Variants in CLN8 observed in about 807,000 individuals in gnomAD.
The protein encoded by CLN8 is protein CLN8.
A neutral mutation model predicts 15.7 loss-of-function variants in CLN8; 14 were observed. That is an observed-to-expected ratio of 0.89 (90% CI 0.59 to 1.39). The LOEUF (loss-of-function observed/expected upper bound fraction) is 1.39. Ranked by LOEUF, CLN8 falls within the 40% of genes most tolerant of loss-of-function variation. The probability of loss-of-function intolerance (pLI) is 0.00; values close to 1 mark genes in which losing one functional copy is unlikely to be tolerated. For synonymous variants in CLN8, 188 were observed against 151.0 expected (o/e 1.25, Z -1.80); for missense variants, 415 against 364.0 (o/e 1.14, Z -1.14).
chr8:1,780,245 T>C lies in CLN8; in HGVS notation c.544-5T>C, dbSNP rs1340606071. 6.2e-7 allele frequency: 1 copy of C among 1,614,186 alleles called. No individual in the cohort carries two copies. The highest frequency in any genetic ancestry group is 1.3e-5 in the African/African-American group (1 of 74,960). ...GACTTGTGCATTTGTCTTCTCTCCATGCAGGCGGGCTGGTCCGAGTCTCTG... is the reference window on the plus strand; with the variant it reads ...GACTTGTGCATTTGTCTTCTCTCCACGCAGGCGGGCTGGTCCGAGTCTCTG... On this transcript the variant is annotated splice_region_variant and splice_polypyrimidine_tract_variant and intron_variant, in intron 2 of 2. Coordinates refer to ENST00000331222, the MANE Select transcript of CLN8 (RefSeq NM_018941.4).
Position 1,783,061 on chromosome 8 carries a change from T to A in CLN8, c.*2494T>A, listed in dbSNP as rs1462494159. The A allele has an allele frequency of 1.3e-5, 2 of 152,352 alleles. No individual in the cohort carries two copies. Among genetic ancestry groups the A allele is most frequent in the African/African-American group, 4.8e-5 (2 of 41,466 alleles). 9.4% of individuals were successfully genotyped at this position (152,352 alleles called of 1,614,324 possible). On this transcript the variant is annotated 3_prime_UTR_variant, in exon 3 of 3. Coordinates refer to ENST00000331222, the MANE Select transcript of CLN8 (RefSeq NM_018941.4). Reference sequence around the variant, plus strand: ...AAAAGGCTTCGTGAAATGTTAATGATGCGTACACCTTCCAGATGGCACAGC... The same window carrying A: ...AAAAGGCTTCGTGAAATGTTAATGAAGCGTACACCTTCCAGATGGCACAGC...
intron 1 of CLN8, chr8:1,765,126 A>G (rs896270621): frequency 6.6e-6 from 1 of 152,228 alleles, no homozygotes; most frequent in African/African-American, 2.4e-5. Context: ...TCCAGTTTCC[A>G]TACAAAGAGC....
intron 2 of CLN8, among the ~76,000 whole-genome samples, chr8:1,774,494 T>C (rs1801436155): frequency 6.6e-6 from 1 of 152,188 alleles, no homozygotes; most frequent in Non-Finnish European, 1.5e-5. Flanking sequence ...TCTTGCATAG[T>C]AGTAGGGCAT....
upstream of CLN8, among the ~76,000 whole-genome samples, chr8:1,761,381 G>A (rs1447726627): frequency 3.3e-5 from 5 of 152,296 alleles, no homozygotes; most frequent in Non-Finnish European, 5.9e-5. Context: ...CTGGAGTGCA[G>A]TGGTGCGATT....
In CLN8 at chr8:1,782,826, G is replaced by A. The variant is rs544983784; in HGVS notation, c.*2259G>A. 2.0e-5 allele frequency: 3 copies of A among 152,320 alleles called. No homozygotes were observed. The highest frequency in any genetic ancestry group is 6.8e-3 in the Middle Eastern group (2 of 294). The allele number at this position is 152,320 out of a possible 1,614,324, so 9.4% of individuals were successfully genotyped here. Reference sequence around the variant, plus strand: ...CAGAATTCGATTTGGAGTTGGAAGTGGACAGCCTAATTTTTATCTCACCTC... The same window carrying A: ...CAGAATTCGATTTGGAGTTGGAAGTAGACAGCCTAATTTTTATCTCACCTC... On this transcript the variant is annotated 3_prime_UTR_variant, in exon 3 of 3. Transcript: ENST00000331222.
chr8:1,778,519 T>C (rs142112706), intron 2 of CLN8, among the ~76,000 whole-genome samples: 1,532 of 152,328 alleles, frequency 0.01, 10 homozygotes, highest in Non-Finnish European at 0.016. Context: ...GCCTCAGCAA[T>C]GCTGAGTGCG....
At chr8:1,755,847 C>T (rs556570412) in exon 1 of CLN8, 1 of 152,280 alleles carries the variant, frequency 6.6e-6, no homozygotes, top group Non-Finnish European at 1.5e-5. Context: ...AGGAGACTCA[C>T]GAGTTGATGT....
At chr8:1,762,862 A>C (rs1049165943), upstream of CLN8, 5 of 152,208 alleles carry the variant, frequency 3.3e-5, no homozygotes, top group African/African-American at 1.2e-4. Flanking sequence ...ATCGCATGCT[A>C]TCGGTTCTTT....
chr8:1,771,372 CA>C lies in CLN8; in HGVS notation c.319del (p.Ile107SerfsTer20). 6.2e-7 allele frequency: 1 copy of C among 1,614,212 alleles called. No homozygotes were observed. Among genetic ancestry groups the C allele is most frequent in the Non-Finnish European group, 8.5e-7 (1 of 1,180,042 alleles). ...RGQQNWCWFH[I>X]TTATGFFCFE... is the part of the protein sequence containing the mutation. ...GCCAGCAGAACTGGTGCTGGTTTCA[CA>C]TCACGACAGCAACGGGATTCTTTTG... On this transcript the variant is annotated frameshift_variant, in exon 2 of 3. Coordinates refer to ENST00000331222, the MANE Select transcript of CLN8 (RefSeq NM_018941.4). LOFTEE classifies it high-confidence loss of function.
At chr8:1,763,077 G>A (rs1350990946), upstream of CLN8, 2 of 152,208 alleles carry the variant, frequency 1.3e-5, no homozygotes, top group Non-Finnish European at 2.9e-5. Context: ...GGCGCAGAAG[G>A]GCCGGGGATG....
upstream of CLN8, among the ~76,000 whole-genome samples, chr8:1,761,274 CAG>C (rs1341387006): frequency 3.3e-5 from 5 of 151,714 alleles, no homozygotes; most frequent in South Asian, 2.1e-4. Context: ...TGCGGGAGAC[CAG>C]AGTTTTATTA....
At chr8:1,772,695 G>T (rs1203850664) in intron 2 of CLN8, among the ~76,000 whole-genome samples, 1 of 151,954 alleles carries the variant, frequency 6.6e-6, no homozygotes, top group Non-Finnish European at 1.5e-5. Flanking sequence ...GGCCAGGCTG[G>T]TCTTGAACTC....
upstream of CLN8, chr8:1,758,762 A>G (rs1434600431): frequency 1.3e-5 from 2 of 152,190 alleles, no homozygotes; most frequent in Admixed American, 1.3e-4. Flanking sequence ...TTAAGTTATT[A>G]TTGTAGAGAC....
At chr8:1,778,781 C>G (rs1183296903) in intron 2 of CLN8, among the ~76,000 whole-genome samples, 1 of 152,172 alleles carries the variant, frequency 6.6e-6, no homozygotes, top group Admixed American at 6.5e-5. Flanking sequence ...ATTCCGCTGG[C>G]CTTTCTCTTC....
chr8:1,761,238 A>G (rs528564185), upstream of CLN8, among the ~76,000 whole-genome samples: 1 of 152,088 alleles, frequency 6.6e-6, no homozygotes, highest in African/African-American at 2.4e-5. Flanking sequence ...TGCATAGAGA[A>G]AGAATAATCC....
At chr8:1,768,514 C>G (rs1207593219) in intron 1 of CLN8, among the ~76,000 whole-genome samples, 1 of 152,156 alleles carries the variant, frequency 6.6e-6, no homozygotes, top group Non-Finnish European at 1.5e-5. Context: ...GACATTGATG[C>G]AACTGTGGCA....
intron 1 of CLN8, among the ~76,000 whole-genome samples, chr8:1,757,091 G>T (rs1367485701): frequency 2.6e-5 from 4 of 152,200 alleles, no homozygotes; most frequent in Non-Finnish European, 5.9e-5. Context: ...TGGGGCAGCG[G>T]AAAGTCCACT....
chr8:1,762,195 T>A (rs1167519125), upstream of CLN8: 1 of 152,230 alleles, frequency 6.6e-6, no homozygotes, highest in Non-Finnish European at 1.5e-5. Context: ...ATTTTATTTT[T>A]ATTTTTTTGA....
intron 1 of CLN8, among the ~76,000 whole-genome samples, chr8:1,757,352 G>C (rs187139200): frequency 1.3e-5 from 2 of 152,200 alleles, no homozygotes; most frequent in African/African-American, 4.8e-5. Context: ...CCACGGGAGG[G>C]GGCGTAGAGG....
Sources: allele counts gnomAD v4.1 joint callset (sites outside exome capture counted in the v4.1 genomes callset), GRCh38; gene constraint gnomAD v4.1.1; transcripts MANE v1.5; gene names NCBI Gene and HGNC (gene_info 2026-07-23, HGNC 2026-07-21).